CDH13: variants seen among roughly 807,000 people sequenced by gnomAD.
CDH13 encodes cadherin 13, also known as cadherin-13.
A neutral mutation model predicts 63.8 loss-of-function variants in CDH13; 24 were observed. That is an observed-to-expected ratio of 0.38 (90% CI 0.27 to 0.53). CDH13 has a LOEUF of 0.53. CDH13 is among the 20% of genes least tolerant of loss of function. The pLI, the probability that CDH13 is intolerant of heterozygous loss-of-function variation, is 0.85. For synonymous variants in CDH13, 503 were observed against 355.3 expected, an observed-to-expected ratio of 1.42 and a Z score of -4.67; for missense variants, 1,049 against 903.1, an observed-to-expected ratio of 1.16 and a Z score of -2.07.
intron 1 of CDH13, among the ~76,000 whole-genome samples, chr16:82,667,816 C>G (rs758093557): frequency 6.6e-6 from 1 of 152,144 alleles, no homozygotes; most frequent in Admixed American, 6.5e-5. Flanking sequence ...CTCTGTCTTG[C>G]TATGTCAGGC....
At chr16:83,229,656 A>T (rs2039947938) in intron 5 of CDH13, among the ~76,000 whole-genome samples, 1 of 152,198 alleles carries the variant, frequency 6.6e-6, no homozygotes. Context: ...ATTAGGTAGT[A>T]AAAGAGATCA....
intron 6 of CDH13, among the ~76,000 whole-genome samples, chr16:83,365,297 C>A (rs11640639): frequency 2.0e-5 from 3 of 152,020 alleles, no homozygotes; most frequent in African/African-American, 7.2e-5. Context: ...TCAAGACAGG[C>A]CTCTGACTCA....
intron 7 of CDH13, among the ~76,000 whole-genome samples, chr16:83,593,097 AT>A (rs1456655318): frequency 6.6e-6 from 1 of 152,136 alleles, no homozygotes; most frequent in Non-Finnish European, 1.5e-5. Flanking sequence ...CTTTTGCAAT[AT>A]TTATAGACTA....
chr16:83,597,277 A>G (rs188404323), intron 7 of CDH13, among the ~76,000 whole-genome samples: 7 of 152,206 alleles, frequency 4.6e-5, no homozygotes, highest in Non-Finnish European at 8.8e-5. Context: ...ATGTTCATCC[A>G]GTAGGGATTG....
intron 8 of CDH13, among the ~76,000 whole-genome samples, chr16:83,606,421 A>G (rs1908336047): frequency 6.6e-6 from 1 of 152,132 alleles, no homozygotes; most frequent in South Asian, 2.1e-4. Context: ...AACAAAATAG[A>G]GGTAGTTTCT....
At chr16:83,145,312 A>G (rs955838788) in intron 4 of CDH13, among the ~76,000 whole-genome samples, 9 of 152,258 alleles carry the variant, frequency 5.9e-5, no homozygotes, top group South Asian at 2.1e-4. Context: ...ACTTAGTTCA[A>G]TATTTGTTGT....
intron 1 of CDH13, among the ~76,000 whole-genome samples, chr16:82,839,266 C>T (rs986764526): frequency 2.6e-5 from 4 of 152,182 alleles, no homozygotes; most frequent in Non-Finnish European, 5.9e-5. Context: ...AAATTGTTTC[C>T]TCCCCTGGCC....
At chr16:83,172,818 G>A (rs2037980071) in intron 4 of CDH13, among the ~76,000 whole-genome samples, 1 of 152,074 alleles carries the variant, frequency 6.6e-6, no homozygotes. Context: ...AGGCTAAATA[G>A]CTTCCTTCTG....
chr16:83,230,897 A>G (rs1032621792), intron 5 of CDH13, among the ~76,000 whole-genome samples: 46 of 152,354 alleles, frequency 3.0e-4, no homozygotes, highest in African/African-American at 9.9e-4. Context: ...TAAGATAGAA[A>G]GAAAGGAAAA....
rs117510638 is a variant in CDH13, at chr16:82,979,884, A to G, written c.158-52126A>G. ...TAGAAAAAACTGGACTTTGGAGACCATTTTAGGAAATCTTGGAATACTAGC... is the reference window on the plus strand; with the variant it reads ...TAGAAAAAACTGGACTTTGGAGACCGTTTTAGGAAATCTTGGAATACTAGC... On this transcript the variant is annotated intron_variant, in intron 2 of 13. Transcript: ENST00000567109. Among the ~76,000 whole-genome samples the G allele has an allele frequency of 1.2e-3, 187 of 152,326 alleles. 1 individual carries two copies. In the East Asian group the frequency reaches 0.029, roughly 23 times the overall value.
At chr16:82,634,445 C>T (rs1342569848) in intron 1 of CDH13, among the ~76,000 whole-genome samples, 1 of 152,228 alleles carries the variant, frequency 6.6e-6, no homozygotes, top group Non-Finnish European at 1.5e-5. Flanking sequence ...CCGAGGCTGA[C>T]TCAGACTGCC....
At chr16:83,710,772 C>G (rs1239865483) in intron 10 of CDH13, among the ~76,000 whole-genome samples, 1 of 152,198 alleles carries the variant, frequency 6.6e-6, no homozygotes, top group African/African-American at 2.4e-5. Context: ...ACTGCCACCT[C>G]TAAGCACTCA....
intron 8 of CDH13, among the ~76,000 whole-genome samples, chr16:83,624,647 G>C (rs2150783102): frequency 6.6e-6 from 1 of 152,238 alleles, no homozygotes; most frequent in Admixed American, 6.5e-5. Flanking sequence ...TGTGCTGCCT[G>C]GTTCCTAATA....
chr16:83,329,243 T>G (rs1411150110), intron 5 of CDH13, among the ~76,000 whole-genome samples: 1 of 152,198 alleles, frequency 6.6e-6, no homozygotes, highest in Non-Finnish European at 1.5e-5. Context: ...GTTTTGTTTT[T>G]GAGACAGAGT....
intron 2 of CDH13, among the ~76,000 whole-genome samples, chr16:82,905,282 C>G (rs1460363216): frequency 6.6e-6 from 1 of 152,102 alleles, no homozygotes; most frequent in Non-Finnish European, 1.5e-5. Flanking sequence ...AAGCAACTTG[C>G]TCAGGTCACG....
chr16:83,338,810 A>G (rs1331904462), intron 5 of CDH13, among the ~76,000 whole-genome samples: 1 of 152,248 alleles, frequency 6.6e-6, no homozygotes, highest in East Asian at 1.9e-4. Context: ...TAACTGGATA[A>G]TAAGGAAGAA....
intron 2 of CDH13, among the ~76,000 whole-genome samples, chr16:82,959,739 T>C (rs531276826): frequency 6.6e-6 from 1 of 152,336 alleles, no homozygotes; most frequent in African/African-American, 2.4e-5. Context: ...TAAGTTCCTT[T>C]ATATCTCCGA....
At chr16:82,905,808 T>C (rs1272131543) in intron 2 of CDH13, among the ~76,000 whole-genome samples, 1 of 152,216 alleles carries the variant, frequency 6.6e-6, no homozygotes, top group African/African-American at 2.4e-5. Context: ...TATTTTGCAC[T>C]TGTGGCATGT....
chr16:83,464,534 A>G (rs2073260726), intron 6 of CDH13, among the ~76,000 whole-genome samples: 1 of 151,402 alleles, frequency 6.6e-6, no homozygotes, highest in South Asian at 2.1e-4. Flanking sequence ...TAAATTTTGT[A>G]GTTTTAGTAG....
Sources: gnomAD v4.1 joint callset for allele counts (sites outside exome capture counted in the v4.1 genomes callset) on GRCh38, gnomAD v4.1.1 for gene constraint, MANE v1.5 for transcripts, NCBI Gene and HGNC (gene_info 2026-07-23, HGNC 2026-07-21) for gene names.